KIF4A: variants seen among roughly 807,000 people sequenced by gnomAD.
KIF4A encodes kinesin family member 4A.
A neutral mutation model predicts 105.9 loss-of-function variants in KIF4A; 7 were observed. The observed-to-expected ratio is 0.07, with a 90% CI of 0.04 to 0.12. KIF4A has a LOEUF of 0.12. Among genes scored for constraint, KIF4A ranks in the 10% least tolerant of loss-of-function variants. The pLI is 1.00. For synonymous variants in KIF4A, 281 were observed against 331.3 expected, an observed-to-expected ratio of 0.85 and a Z score of 1.65; for missense variants, 558 against 929.2, an observed-to-expected ratio of 0.60 and a Z score of 5.19.
intron 18 of KIF4A, among the ~76,000 whole-genome samples, chrX:70,381,443 A>G (rs2086197165): frequency 9.0e-6 from 1 of 111,628 alleles, no homozygotes; most frequent in South Asian, 3.8e-4. Flanking sequence ...AGGCTGAGGC[A>G]GGAGAATCAC....
In KIF4A at chrX:70,329,372, C is replaced by A. The variant is rs2085922094; in HGVS notation, c.779-33C>A. The stretch of plus-strand genomic sequence containing the variant: ...ACATAGGTATATGTTGGATGCATTA[C>A]CAAGCAATTTAAATTTCATTTCCTG... On this transcript the variant is annotated intron_variant, in intron 7 of 30. Transcript: ENST00000374403. The A allele has an allele frequency of 2.6e-6, 3 of 1,159,279 alleles. No individual in the cohort carries two copies. The East Asian group carries it at 8.9e-5, about 35-fold the overall frequency.
At chrX:70,294,807 C>G (rs1006677076) in intron 3 of KIF4A, among the ~76,000 whole-genome samples, 3 of 112,957 alleles carry the variant, frequency 2.7e-5, no homozygotes, top group Admixed American at 9.3e-5. Context: ...CATGGTCGCT[C>G]AAGCCTGTAA....
chrX:70,411,023 A>G, intron 28 of KIF4A, among the ~76,000 whole-genome samples: 1 of 112,971 alleles, frequency 8.9e-6, no homozygotes, highest in Admixed American at 9.4e-5. Context: ...TGTGAAGGAT[A>G]CAGTATCATG....
At chrX:70,404,868 T>C (rs1296915697) in intron 25 of KIF4A, 46 bp downstream of exon 25, 3 of 858,410 alleles carry the variant, frequency 3.5e-6, no homozygotes, top group Non-Finnish European at 5.1e-6. Flanking sequence ...CAGTACTAAC[T>C]GAGAATCTTG....
chrX:70,347,953 C>T (rs1037596090), intron 13 of KIF4A, among the ~76,000 whole-genome samples: 4 of 43,284 alleles, frequency 9.2e-5, no homozygotes, highest in East Asian at 2.5e-3. Context: ...CCAGCCTGGG[C>T]GACAGAGCGA....
chrX:70,332,709 A>G (rs139297839), intron 9 of KIF4A, among the ~76,000 whole-genome samples: 1,826 of 110,650 alleles, frequency 0.017, 37 homozygotes, highest in African/African-American at 0.056. Context: ...AGAAGGGATA[A>G]CAGTGTAAGA....
chrX:70,366,212 T>C (rs1235636268), intron 15 of KIF4A, among the ~76,000 whole-genome samples: 1 of 111,597 alleles, frequency 9.0e-6, no homozygotes, highest in Non-Finnish European at 1.9e-5. Context: ...CCTGGATTCA[T>C]TGATTTTTTT....
intron 7 of KIF4A, among the ~76,000 whole-genome samples, chrX:70,303,634 T>C (rs1281627445): frequency 8.9e-6 from 1 of 111,879 alleles, no homozygotes; most frequent in East Asian, 2.8e-4. Context: ...TAAGACTATT[T>C]TTAAAGGCTG....
chrX:70,372,204 G>A (rs747252395), intron 15 of KIF4A, among the ~76,000 whole-genome samples: 4 of 109,974 alleles, frequency 3.6e-5, no homozygotes, highest in South Asian at 4.0e-4. Context: ...GACGATGGGC[G>A]GCCAGGCAGA....
At chrX:70,310,311 TTG>T (rs1555945529) in intron 7 of KIF4A, among the ~76,000 whole-genome samples, 7,205 of 85,999 alleles carry the variant, frequency 0.084, 401 homozygotes, top group East Asian at 0.26. Context: ...CTCAAAATGG[TTG>T]TGTGTGTGTG....
In KIF4A at chrX:70,348,239, C is replaced by G. The variant is rs146858067; in HGVS notation, c.1431+4257C>G. 4.3e-3 allele frequency among the ~76,000 whole-genome samples: 477 copies of G among 111,056 alleles called. 3 individuals are homozygous for G. The highest frequency in any genetic ancestry group is 0.015 in the African/African-American group (450 of 30,613). On this transcript the variant is annotated intron_variant, in intron 13 of 30. Transcript: ENST00000374403. The stretch of plus-strand genomic sequence containing the variant: ...CAGGTGGAACCCTGGAGCCCAAGAG[C>G]TTGAGATCAGCCTAGGCAACACAGT...
At chrX:70,387,929 A>G (rs933676602) in intron 20 of KIF4A, among the ~76,000 whole-genome samples, 46 of 111,870 alleles carry the variant, frequency 4.1e-4, no homozygotes, top group Non-Finnish European at 7.5e-5. Flanking sequence ...TGAAATCATC[A>G]CCATAATCAA....
chrX:70,380,244 G>A (rs779475741), intron 18 of KIF4A, among the ~76,000 whole-genome samples: 18 of 111,450 alleles, frequency 1.6e-4, no homozygotes, highest in African/African-American at 5.9e-4. Context: ...AGAGGAAGAG[G>A]CTGCAGTGAG....
At chrX:70,406,167 G>A (rs5980929) in intron 26 of KIF4A, 92 bp from the exon 27 acceptor site, 58,582 of 740,434 alleles carry the variant, frequency 0.079, 1,947 homozygotes, top group African/African-American at 0.13. Context: ...ATGGTTTAAC[G>A]TTAAGCTAGC....
chrX:70,386,262 G>C (rs188194339), intron 18 of KIF4A, among the ~76,000 whole-genome samples: 1 of 111,213 alleles, frequency 9.0e-6, no homozygotes, highest in Non-Finnish European at 1.9e-5. Context: ...TTTTTCAGGA[G>C]ACCTGAATCC....
chrX:70,372,108 T>G (rs1444269457), intron 15 of KIF4A, among the ~76,000 whole-genome samples: 1 of 105,058 alleles, frequency 9.5e-6, no homozygotes, highest in Non-Finnish European at 2.0e-5. Flanking sequence ...GAGGCGCTCC[T>G]CACTTCCTAG....
rs957516524 is a variant in KIF4A at position 70,305,319 on chromosome X, A to G, written c.778+2921A>G. Among the ~76,000 whole-genome samples, 11 of 111,942 alleles carry G rather than the reference A, an allele frequency of 9.8e-5. No individual in the cohort carries two copies. In the East Asian group the frequency reaches 3.1e-3, roughly 31 times the overall value. ...TTTTCATCACCTCAAAAAGAAATCC[A>G]TACCCATTAGCATTCACTCCTTATT... On this transcript the variant is annotated intron_variant, in intron 7 of 30. Transcript: ENST00000374403.
chrX:70,372,416 G>A (rs1322377600), intron 15 of KIF4A, among the ~76,000 whole-genome samples: 3 of 113,118 alleles, frequency 2.7e-5, no homozygotes, highest in East Asian at 2.8e-4. Flanking sequence ...CGAGGCTGGC[G>A]GATCACTCAC....
At chrX:70,309,457 C>A (rs1329254227) in intron 7 of KIF4A, among the ~76,000 whole-genome samples, 1 of 111,871 alleles carries the variant, frequency 8.9e-6, no homozygotes, top group African/African-American at 3.2e-5. Context: ...TCCTCAGTCT[C>A]ATTTTTTAAC....
Sources: allele counts gnomAD v4.1 joint callset (sites outside exome capture counted in the v4.1 genomes callset), GRCh38; gene constraint gnomAD v4.1.1; transcripts MANE v1.5; gene names NCBI Gene and HGNC (gene_info 2026-07-23, HGNC 2026-07-21).